CDH12: variants seen among roughly 807,000 people sequenced by gnomAD.
The protein encoded by CDH12 is cadherin 12.
Under a neutral mutation model 74.1 loss-of-function variants are expected in CDH12, and 41 were observed. The ratio of observed to expected loss-of-function variants is 0.55; its 90% confidence interval spans 0.43 to 0.72. The LOEUF (loss-of-function observed/expected upper bound fraction) is 0.72. Among genes scored for constraint, CDH12 ranks in the 30% least tolerant of loss-of-function variants. CDH12 has a pLI of 0.00. For synonymous variants in CDH12, 399 were observed against 355.0 expected, an observed-to-expected ratio of 1.12 and a Z score of -1.39; for missense variants, 945 against 977.2, an observed-to-expected ratio of 0.97 and a Z score of 0.44.
chr5:22,705,130 T>TATATATATACACACACACAC (rs752782183), intron 1 of CDH12, among the ~76,000 whole-genome samples: 5 of 125,546 alleles, frequency 4.0e-5, no homozygotes, highest in African/African-American at 1.5e-4. Flanking sequence ...TATATATATA[T>TATATATATACACACACACAC]ACACACACAC....
intron 2 of CDH12, among the ~76,000 whole-genome samples, chr5:22,493,321 T>A (rs2126643772): frequency 6.6e-6 from 1 of 152,298 alleles, no homozygotes; most frequent in South Asian, 2.1e-4. Context: ...TCTGTCACCC[T>A]CAACTGCAAT....
chr5:22,237,870 T>C (rs1752613966), intron 3 of CDH12, among the ~76,000 whole-genome samples: 1 of 152,216 alleles, frequency 6.6e-6, no homozygotes, highest in South Asian at 2.1e-4. Flanking sequence ...CTAATGTATT[T>C]TCCTCCATAT....
intron 1 of CDH12, among the ~76,000 whole-genome samples, chr5:22,781,648 C>T (rs1747389514): frequency 6.6e-6 from 1 of 152,150 alleles, no homozygotes; most frequent in African/African-American, 2.4e-5. Flanking sequence ...CAATTGCCCC[C>T]TAATAGGTTC....
chr5:22,549,151 T>C (rs1738457702), intron 1 of CDH12, among the ~76,000 whole-genome samples: 1 of 151,836 alleles, frequency 6.6e-6, no homozygotes, highest in Admixed American at 6.6e-5. Flanking sequence ...TTTTTGTTTT[T>C]TTGTAGAGAT....
At chr5:22,528,854 G>T (rs1307408170) in intron 1 of CDH12, among the ~76,000 whole-genome samples, 1 of 151,846 alleles carries the variant, frequency 6.6e-6, no homozygotes, top group Non-Finnish European at 1.5e-5. Context: ...AATGAATATA[G>T]AATTATTAGC....
intron 6 of CDH12, among the ~76,000 whole-genome samples, chr5:21,898,532 C>A (rs1753231439): frequency 6.6e-6 from 1 of 151,926 alleles, no homozygotes; most frequent in African/African-American, 2.4e-5. Flanking sequence ...GAAACCCCGT[C>A]TCTACTAAAA....
chr5:22,634,374 T>A (rs569095478), intron 1 of CDH12, among the ~76,000 whole-genome samples: 1 of 152,112 alleles, frequency 6.6e-6, no homozygotes. Context: ...ACAAATAGGT[T>A]CAAAGTAACC....
chr5:21,912,586 A>G (rs1753904945), intron 6 of CDH12, among the ~76,000 whole-genome samples: 2 of 152,144 alleles, frequency 1.3e-5, no homozygotes, highest in South Asian at 4.1e-4. Context: ...TTATCTGAAG[A>G]AAAAATATTC....
At chr5:22,562,431 G>A (rs1365610895) in intron 1 of CDH12, among the ~76,000 whole-genome samples, 3 of 152,030 alleles carry the variant, frequency 2.0e-5, no homozygotes, top group African/African-American at 7.2e-5. Flanking sequence ...GTGGGCAATC[G>A]CCACTTTCTG....
intron 1 of CDH12, among the ~76,000 whole-genome samples, chr5:22,561,742 C>G (rs1218473105): frequency 2.6e-5 from 4 of 152,124 alleles, no homozygotes; most frequent in Non-Finnish European, 4.4e-5. Flanking sequence ...TGTAGGATCT[C>G]TAAATTGCAT....
At position 22,243,207 on chromosome 5, in the gene CDH12, A is replaced by G. The variant is rs147157356; in HGVS notation, c.-332-30564T>C. Among the ~76,000 whole-genome samples, 886 of 152,304 alleles carry G rather than the reference A, an allele frequency of 5.8e-3. 3 individuals carry two copies. Among genetic ancestry groups the G allele is most frequent in the Non-Finnish European group, 9.6e-3 (655 of 68,030 alleles). Reference sequence around the variant, plus strand: ...AAAATGTAAGTTTAGTGAATGTCCTAGTTATCATAAAGTTTTTAGAGCTAT... The same window carrying G: ...AAAATGTAAGTTTAGTGAATGTCCTGGTTATCATAAAGTTTTTAGAGCTAT... On this transcript the variant is annotated intron_variant, in intron 3 of 14. Transcript: ENST00000382254.
intron 5 of CDH12, among the ~76,000 whole-genome samples, chr5:22,064,020 CAA>C (rs60550918): frequency 7.4e-5 from 10 of 135,052 alleles, no homozygotes; most frequent in South Asian, 2.4e-4. Context: ...CACACACACA[CAA>C]ACACACACAC....
intron 1 of CDH12, among the ~76,000 whole-genome samples, chr5:22,674,348 C>T (rs1741057226): frequency 6.6e-6 from 1 of 152,160 alleles, no homozygotes; most frequent in Non-Finnish European, 1.5e-5. Context: ...CACAAGCTCT[C>T]TTCTCTTGTC....
chr5:21,887,515 C>T (rs1036387221), intron 6 of CDH12, among the ~76,000 whole-genome samples: 5 of 152,150 alleles, frequency 3.3e-5, no homozygotes, highest in African/African-American at 1.2e-4. Context: ...CTTTTTTCAT[C>T]CCAGTGTCCC....
rs905428757 is a variant in CDH12 at position 22,749,029 on chromosome 5, G to C, written c.-523+104029C>G. Reference sequence around the variant, plus strand: ...ATGTGGGAAGGTGAGGAGAGGTGTCGACTTAGGTTTTAAACACAATGCTCT... The same window carrying C: ...ATGTGGGAAGGTGAGGAGAGGTGTCCACTTAGGTTTTAAACACAATGCTCT... On this transcript the variant is annotated intron_variant, in intron 1 of 14. Coordinates refer to ENST00000382254, the MANE Select transcript of CDH12 (RefSeq NM_004061.5). 8.5e-5 allele frequency among the ~76,000 whole-genome samples: 13 copies of C among 152,154 alleles called. No individual in the cohort carries two copies. The East Asian group carries it at 2.5e-3, about 29-fold the overall frequency.
chr5:22,050,001 C>T (rs1740244529), intron 5 of CDH12, among the ~76,000 whole-genome samples: 1 of 152,084 alleles, frequency 6.6e-6, no homozygotes, highest in Non-Finnish European at 1.5e-5. Context: ...CCTTTCCATG[C>T]ACAGAATTTT....
intron 2 of CDH12, among the ~76,000 whole-genome samples, chr5:22,428,086 C>G (rs974465491): frequency 6.6e-6 from 1 of 151,956 alleles, no homozygotes; most frequent in African/African-American, 2.4e-5. Context: ...CATTGAAGAG[C>G]AAGCTCCATG....
At chr5:22,750,026 G>C (rs1445733641) in intron 1 of CDH12, among the ~76,000 whole-genome samples, 1 of 152,072 alleles carries the variant, frequency 6.6e-6, no homozygotes, top group East Asian at 1.9e-4. Flanking sequence ...TATGGCTCTG[G>C]TAAGACATCA....
At chr5:21,942,415 GA>G in intron 6 of CDH12, among the ~76,000 whole-genome samples, 1 of 146,150 alleles carries the variant, frequency 6.8e-6, no homozygotes, top group East Asian at 2.0e-4. Flanking sequence ...TGTGTATTAG[GA>G]AAAGTAGTAA....
Sources: allele counts gnomAD v4.1 joint callset (sites outside exome capture counted in the v4.1 genomes callset), GRCh38; gene constraint gnomAD v4.1.1; transcripts MANE v1.5; gene names NCBI Gene and HGNC (gene_info 2026-07-23, HGNC 2026-07-21).